The following DIP2C variants were observed in gnomAD, a reference collection of about 807,000 sequenced individuals.
The protein encoded by DIP2C is DIP2 acetate--CoA ligase C (putative), also known as disco-interacting protein 2 homolog C.
In DIP2C, 33 loss-of-function variants were observed where a neutral mutation model predicts 192.4. The observed-to-expected ratio is 0.17, with a 90% CI of 0.13 to 0.23. DIP2C has a LOEUF of 0.23. Ranked by LOEUF, DIP2C falls within the 10% of genes least tolerant of loss-of-function variation. The probability of loss-of-function intolerance (pLI) is 1.00; values close to 1 mark genes in which losing one functional copy is unlikely to be tolerated. For synonymous variants in DIP2C, 979 were observed against 864.1 expected, an observed-to-expected ratio of 1.13 and a Z score of -2.33; for missense variants, 1,537 against 2,110.1, an observed-to-expected ratio of 0.73 and a Z score of 5.32.
intron 1 of DIP2C, among the ~76,000 whole-genome samples, chr10:607,781 T>C (rs1852604884): frequency 6.6e-6 from 1 of 152,044 alleles, no homozygotes; most frequent in Admixed American, 6.5e-5. Flanking sequence ...AAACCTCTTC[T>C]TAGACAAGAA....
At position 275,131 on chromosome 10, in the gene DIP2C, A is replaced by T. The variant is rs1188403063; in HGVS notation, c.*2194T>A. The T allele has an allele frequency of 1.3e-5, 2 of 152,258 alleles. No homozygotes were observed. The highest frequency in any genetic ancestry group is 2.9e-5 in the Non-Finnish European group (2 of 68,062). The allele number at this position is 152,258 out of a possible 1,614,324, so 9.4% of individuals were successfully genotyped here. A position where few individuals can be genotyped will look rare whatever the true frequency, so the allele number is the denominator to read the frequency against. On this transcript the variant is annotated 3_prime_UTR_variant, in exon 37 of 37. Coordinates refer to ENST00000280886, the MANE Select transcript of DIP2C (RefSeq NM_014974.3). ...AGTTGATCTGGTGACAGTTGAAATT[A>T]TGTTTGAAGTGACATCTACATTTGT...
chr10:522,240 G>C (rs547595411), intron 1 of DIP2C, among the ~76,000 whole-genome samples: 1 of 152,206 alleles, frequency 6.6e-6, no homozygotes, highest in South Asian at 2.1e-4. Flanking sequence ...ATCCTTCCAT[G>C]TCTTTTCATG....
At chr10:688,163 C>T (rs1564342877) in intron 1 of DIP2C, among the ~76,000 whole-genome samples, 2 of 152,204 alleles carry the variant, frequency 1.3e-5, no homozygotes, top group Admixed American at 6.5e-5. Flanking sequence ...CACACGGCAG[C>T]TCCCGCCTCC....
chr10:298,349 T>C (rs3132005), intron 32 of DIP2C, among the ~76,000 whole-genome samples: 150,595 of 152,248 alleles, frequency 0.99, 74,502 homozygotes, highest in Middle Eastern at 1. Flanking sequence ...AAAAGGGCTT[T>C]AGAGATGAGC....
intron 6 of DIP2C, among the ~76,000 whole-genome samples, chr10:417,663 T>C (rs1215692043): frequency 2.8e-5 from 1 of 35,424 alleles, no homozygotes; most frequent in East Asian, 1.1e-3. Flanking sequence ...CACCTGTTCC[T>C]GTCAGGGCTC....
At position 357,828 on chromosome 10, in the gene DIP2C, C is replaced by T; in HGVS notation, c.2904G>A (p.Lys968=). The part of the protein sequence containing the change: ...GQIEDNDQAR[K]FLFLSEVLQW... ...GGAGACTCAGGGACCCAGCTCCTAC[C>T]TTGCGTGCCTGGTCGTTATCTTCGA... is the stretch of plus-strand genomic sequence containing the variant. The change falls in exon 23 of 37, where the codon AAG becomes AAA. Residue 968 remains lysine (K), a splice_region_variant and synonymous_variant. Transcript: ENST00000280886. 10 of 1,611,500 alleles carry T rather than the reference C, an allele frequency of 6.2e-6. No individual in the cohort carries two copies. The highest frequency in any genetic ancestry group is 1.1e-5 in the South Asian group (1 of 90,988).
At chr10:430,493 A>C (rs1040859044) in intron 4 of DIP2C, 2 of 152,232 alleles carry the variant, frequency 1.3e-5, no homozygotes, top group Non-Finnish European at 2.9e-5. Flanking sequence ...GGCACATGCC[A>C]TCACACTTGG....
At chr10:544,931 A>C (rs1376665361) in intron 1 of DIP2C, among the ~76,000 whole-genome samples, 1 of 152,074 alleles carries the variant, frequency 6.6e-6, no homozygotes, top group Non-Finnish European at 1.5e-5. Flanking sequence ...TTTCCCCTTC[A>C]GTTGCTTGTT....
intron 3 of DIP2C, among the ~76,000 whole-genome samples, chr10:464,554 A>G (rs1970055047): frequency 2.7e-5 from 1 of 37,156 alleles, no homozygotes; most frequent in Non-Finnish European, 1.9e-4. Context: ...TAGTTCAACC[A>G]TTGTGGAAGA....
intron 1 of DIP2C, among the ~76,000 whole-genome samples, chr10:550,411 C>G (rs769389963): frequency 1.3e-5 from 2 of 152,186 alleles, no homozygotes; most frequent in African/African-American, 2.4e-5. Flanking sequence ...CCACTGACCA[C>G]AGAGGCTGGT....
In DIP2C at chr10:483,633, G is replaced by A. The variant is rs568920330; in HGVS notation, c.157+2826C>T. The stretch of plus-strand genomic sequence containing the variant: ...GACCTCGTGGCTAAAACCCAGCCCT[G>A]TCGCCTTCTCATCAGCTCTGCCCCT... On this transcript the variant is annotated intron_variant, in intron 2 of 36. Coordinates refer to ENST00000280886, the MANE Select transcript of DIP2C (RefSeq NM_014974.3). Among the ~76,000 whole-genome samples the A allele has an allele frequency of 2.0e-5, 3 of 152,276 alleles. No individual in the cohort carries two copies. The South Asian group carries it at 6.2e-4, about 32-fold the overall frequency.
intron 29 of DIP2C, among the ~76,000 whole-genome samples, chr10:335,512 C>T (rs1957717432): frequency 6.6e-6 from 1 of 152,204 alleles, no homozygotes; most frequent in Admixed American, 6.5e-5. Context: ...CTCAGCTTCC[C>T]GCTGCCCAGA....
chr10:423,429 G>A (rs1966345633), intron 4 of DIP2C, among the ~76,000 whole-genome samples: 1 of 152,206 alleles, frequency 6.6e-6, no homozygotes, highest in Non-Finnish European at 1.5e-5. Flanking sequence ...TGTGACGTAT[G>A]TTTAGCCCTT....
chr10:283,494 A>G (rs768480547), intron 34 of DIP2C, 48 bp from the exon 35 acceptor site: 1 of 1,599,994 alleles, frequency 6.3e-7, no homozygotes, highest in Admixed American at 1.7e-5. Context: ...TTTTATCTCC[A>G]GGGAAATGAG....
intron 2 of DIP2C, among the ~76,000 whole-genome samples, chr10:478,008 A>G (rs1379744316): frequency 2.5e-4 from 1 of 4,048 alleles, no homozygotes; most frequent in East Asian, 6.8e-3. Context: ...AGAGGAAAAA[A>G]GAGGGGAGGG....
intron 10 of DIP2C, among the ~76,000 whole-genome samples, chr10:396,002 C>T (rs745584478): frequency 6.4e-4 from 98 of 152,240 alleles, no homozygotes; most frequent in Middle Eastern, 6.8e-3. Flanking sequence ...GCACAGTGAA[C>T]GTGCAGCCTC....
intron 28 of DIP2C, among the ~76,000 whole-genome samples, chr10:342,000 G>C (rs1958171637): frequency 6.6e-6 from 1 of 152,208 alleles, no homozygotes; most frequent in Non-Finnish European, 1.5e-5. Context: ...GTTGTGTCTG[G>C]GGAATGTGAG....
At chr10:492,242 T>C (rs142646274) in intron 1 of DIP2C, among the ~76,000 whole-genome samples, 23 of 152,294 alleles carry the variant, frequency 1.5e-4, no homozygotes, top group Non-Finnish European at 3.1e-4. Context: ...GGTGAGCCTC[T>C]CTCCCCAAAC....
At chr10:610,742 G>T (rs1853039549) in intron 1 of DIP2C, among the ~76,000 whole-genome samples, 2 of 151,606 alleles carry the variant, frequency 1.3e-5, no homozygotes, top group African/African-American at 4.9e-5. Flanking sequence ...ACTCATGGGG[G>T]TGGTTTCTAA....
Sources: gnomAD v4.1 joint callset for allele counts (sites outside exome capture counted in the v4.1 genomes callset) on GRCh38, gnomAD v4.1.1 for gene constraint, MANE v1.5 for transcripts, NCBI Gene and HGNC (gene_info 2026-07-23, HGNC 2026-07-21) for gene names.